The following CEACAM21 variants were observed in gnomAD, a reference collection of about 807,000 sequenced individuals.
CEACAM21 encodes the protein cell adhesion molecule CEACAM21.
A neutral mutation model predicts 33.2 loss-of-function variants in CEACAM21; 38 were observed. The ratio of observed to expected loss-of-function variants is 1.14; its 90% CI spans 0.88 to 1.50. The LOEUF (loss-of-function observed/expected upper bound fraction) is 1.50, where lower values mean the gene tolerates loss of function less well. Among genes scored for constraint, CEACAM21 ranks in the 40% most tolerant of loss-of-function variants. CEACAM21 has a pLI of 0.00. For missense variants in CEACAM21, 385 were observed against 364.6 expected, an observed-to-expected ratio of 1.06 and a Z score of -0.46; for synonymous variants, 156 against 143.0, an observed-to-expected ratio of 1.09 and a Z score of -0.65.
chr19:41,556,755 T>A (rs1555785717), intron 1 of CEACAM21, among the ~76,000 whole-genome samples: 1 of 152,208 alleles, frequency 6.6e-6, no homozygotes, highest in African/African-American at 2.4e-5. Flanking sequence ...GCACCTTTCA[T>A]TGTGAATCCC....
At chr19:41,562,379 G>A (rs1257546081) in intron 1 of CEACAM21, among the ~76,000 whole-genome samples, 2 of 151,764 alleles carry the variant, frequency 1.3e-5, no homozygotes, top group Non-Finnish European at 2.9e-5. Context: ...CAAAGAATCT[G>A]TGTCCAGAAT....
At chr19:41,562,200 C>A (rs939358126) in intron 1 of CEACAM21, among the ~76,000 whole-genome samples, 1 of 151,618 alleles carries the variant, frequency 6.6e-6, no homozygotes, top group African/African-American at 2.4e-5. Flanking sequence ...GAGCCGAGAT[C>A]GGCCAGTGCA....
intron 3 of CEACAM21, among the ~76,000 whole-genome samples, chr19:41,581,374 A>T (rs1326810885): frequency 6.6e-6 from 1 of 152,212 alleles, no homozygotes; most frequent in Non-Finnish European, 1.5e-5. Flanking sequence ...AAACAATGCT[A>T]ATGACTGGTT....
Position 41,577,251 on chromosome 19 carries a change from C to T in CEACAM21, c.116C>T (p.Ala39Val). The T allele has an allele frequency of 6.2e-7, 1 of 1,614,156 alleles. No homozygotes were observed. The highest frequency in any genetic ancestry group is 1.3e-5 in the African/African-American group (1 of 75,024). Residue 39 changes from alanine to valine, a missense_variant, in exon 2 of 7, where the codon GCA (alanine) becomes GTA (valine). Ala to Val is a moderately conservative substitution (Grantham distance 64). Coordinates refer to ENST00000401445, the MANE Select transcript of CEACAM21 (RefSeq NM_001098506.4). ...CCCACCACTGCCTGGCTCTTTATTG[C>T]ATCAGCGCCCTTTGAAGTTGCTGAA... ...NAPTTAWLFI[A>V]SAPFEVAEGE... is the part of the protein sequence containing the mutation.
At chr19:41,554,859 T>C (rs1302604466) in intron 1 of CEACAM21, 3 of 152,130 alleles carry the variant, frequency 2.0e-5, no homozygotes, top group Non-Finnish European at 2.9e-5. Context: ...AAAAATATTT[T>C]AATTAATTTT....
At chr19:41,583,807 G>A (rs2070495161) in intron 3 of CEACAM21, among the ~76,000 whole-genome samples, 1 of 152,108 alleles carries the variant, frequency 6.6e-6, no homozygotes, top group African/African-American at 2.4e-5. Context: ...ATTTGGGTGG[G>A]GATACAGAGC....
chr19:41,566,440 C>T (rs56880990), intron 2 of CEACAM21, among the ~76,000 whole-genome samples: 64 of 152,222 alleles, frequency 4.2e-4, no homozygotes, highest in African/African-American at 1.4e-3. Context: ...ATTAAACAAG[C>T]GTTTTTCTCC....
chr19:41,575,886 T>C (rs376559562), upstream of CEACAM21, among the ~76,000 whole-genome samples: 8 of 152,226 alleles, frequency 5.3e-5, no homozygotes, highest in South Asian at 1.7e-3. Flanking sequence ...CCCAGCTGGT[T>C]TTGTGTGTCA....
chr19:41,576,090 G>A, upstream of CEACAM21: 1 of 639,854 alleles, frequency 1.6e-6, no homozygotes, highest in Non-Finnish European at 2.7e-6. Context: ...GAGGGGAGGG[G>A]ACAGAGAGAC....
At chr19:41,558,502 C>G (rs2041676348) in intron 1 of CEACAM21, among the ~76,000 whole-genome samples, 1 of 152,064 alleles carries the variant, frequency 6.6e-6, no homozygotes. Context: ...AAAATATTAG[C>G]CTTGCTTGGT....
intron 1 of CEACAM21, among the ~76,000 whole-genome samples, chr19:41,555,837 G>A (rs1248701054): frequency 6.6e-6 from 1 of 152,168 alleles, no homozygotes; most frequent in Non-Finnish European, 1.5e-5. Flanking sequence ...AAAGAAACAA[G>A]GAGCCCCCTG....
chr19:41,566,712 G>A (rs2042287784), intron 2 of CEACAM21, among the ~76,000 whole-genome samples: 1 of 152,192 alleles, frequency 6.6e-6, no homozygotes, highest in Non-Finnish European at 1.5e-5. Flanking sequence ...TAAACCTTCT[G>A]AGAATTGGTT....
chr19:41,561,829 C>G (rs1167809685), intron 1 of CEACAM21, among the ~76,000 whole-genome samples: 1 of 152,134 alleles, frequency 6.6e-6, no homozygotes, highest in Non-Finnish European at 1.5e-5. Flanking sequence ...ATTCATGATT[C>G]TTGAGAAATT....
chr19:41,575,395 T>C (rs2042874843), upstream of CEACAM21, among the ~76,000 whole-genome samples: 1 of 152,178 alleles, frequency 6.6e-6, no homozygotes, highest in Non-Finnish European at 1.5e-5. Flanking sequence ...CTCGCCCTGA[T>C]CAGATAGTCC....
chr19:41,565,016 G>C (rs1555787960), exon 2 of CEACAM21: 1 of 152,428 alleles, frequency 6.6e-6, no homozygotes, highest in African/African-American at 2.4e-5. Context: ...CACTGGAGCC[G>C]AGCGGTGAGG....
intron 1 of CEACAM21, among the ~76,000 whole-genome samples, chr19:41,561,360 G>A (rs1379469644): frequency 1.4e-5 from 2 of 146,978 alleles, no homozygotes; most frequent in South Asian, 2.1e-4. Context: ...CACATGCAAG[G>A]CCTCTATGTA....
At position 41,554,294 on chromosome 19, in the gene CEACAM21, T is replaced by C. The variant is rs1250199829; in HGVS notation, c.-779+4742T>C. On this transcript the variant is annotated intron_variant, in intron 1 of 7. Transcript: ENST00000407170. ...TAGGGCTTTATAGCTGATTATAAAA[T>C]TACCTTCTAAAGAGGGCCAAAACAA... 2.6e-5 allele frequency among the ~76,000 whole-genome samples: 4 copies of C among 152,098 alleles called. No individual in the cohort carries two copies. In the South Asian group the frequency reaches 6.2e-4, roughly 24 times the overall value.
At chr19:41,585,304 C>T (rs1555794931) in intron 4 of CEACAM21, 139 bp from the exon 5 acceptor site, 10 of 825,424 alleles carry the variant, frequency 1.2e-5, no homozygotes, top group Non-Finnish European at 1.0e-5. Flanking sequence ...CACCTGGGCC[C>T]CTCCTACCAC....
At chr19:41,564,363 T>C (rs1464441748) in intron 1 of CEACAM21, among the ~76,000 whole-genome samples, 1 of 140,752 alleles carries the variant, frequency 7.1e-6, no homozygotes, top group Non-Finnish European at 1.6e-5. Flanking sequence ...TATTTATTTA[T>C]TTATTATTTT....
Sources: allele counts gnomAD v4.1 joint callset (sites outside exome capture counted in the v4.1 genomes callset), GRCh38; gene constraint gnomAD v4.1.1; transcripts MANE v1.5; gene names NCBI Gene and HGNC (gene_info 2026-07-23, HGNC 2026-07-21).